DNAH2: variants seen among roughly 807,000 people sequenced by gnomAD.
DNAH2 encodes axonemal beta dynein heavy chain 2.
A neutral mutation model predicts 523.5 loss-of-function variants in DNAH2; 323 were observed. The observed-to-expected ratio is 0.62, with a 90% CI of 0.56 to 0.68. The LOEUF (loss-of-function observed/expected upper bound fraction) is 0.68. DNAH2 is among the 30% of genes least tolerant of loss of function. The probability of loss-of-function intolerance (pLI) is 0.00; values close to 1 mark genes in which losing one functional copy is unlikely to be tolerated. For missense variants in DNAH2, 4,907 were observed against 5,701.5 expected, an observed-to-expected ratio of 0.86 and a Z score of 4.49; for synonymous variants, 2,093 against 2,177.4, an observed-to-expected ratio of 0.96 and a Z score of 1.08.
In DNAH2 at chr17:7,770,800, T is replaced by G; in HGVS notation, c.4229T>G (p.Leu1410Arg). The change falls in exon 27 of 86, where the codon CTG becomes CGG. Residue 1410 changes from leucine to arginine, a missense_variant. Coordinates refer to ENST00000572933, the MANE Select transcript of DNAH2 (RefSeq NM_020877.5). ...FQALEDNQVALSTMKASRFVK... is the reference protein window; with the variant it reads ...FQALEDNQVARSTMKASRFVK... ...GCACTGGAAGATAACCAGGTAGCTC[T>G]GTCTACCATGAAGGCATCACGCTTT... 1 of 1,614,160 alleles carries G rather than the reference T, an allele frequency of 6.2e-7. No individual in the cohort carries two copies. Among genetic ancestry groups the G allele is most frequent in the Non-Finnish European group, 8.5e-7 (1 of 1,180,008 alleles).
chr17:7,809,766 G>T lies in DNAH2; in HGVS notation c.9729+2180G>T, dbSNP rs868446110. 5.0e-3 allele frequency among the ~76,000 whole-genome samples: 751 copies of T among 151,562 alleles called. 8 individuals carry two copies. The highest frequency in any genetic ancestry group is 0.017 in the African/African-American group (719 of 41,270). ...ACTTGAGAACCCCTAAGTGAAAAGA[G>T]AAAGCAGACAGGGAACAAACATTTC... On this transcript the variant is annotated intron_variant, in intron 63 of 85. Coordinates refer to ENST00000572933, the MANE Select transcript of DNAH2 (RefSeq NM_020877.5).
chr17:7,723,929 G>T (rs1227303080), intron 3 of DNAH2, among the ~76,000 whole-genome samples: 1 of 152,188 alleles, frequency 6.6e-6, no homozygotes, highest in African/African-American at 2.4e-5. Flanking sequence ...TCCCCACCTT[G>T]GGTCAAACTG....
intron 44 of DNAH2, among the ~76,000 whole-genome samples, chr17:7,789,192 C>T (rs2309810): frequency 0.47 from 71,306 of 151,766 alleles, 18,649 homozygotes; most frequent in Non-Finnish European, 0.58. Flanking sequence ...AACAAAAAAC[C>T]GCAGATGGAC....
chr17:7,829,048 C>T (rs1228314651), intron 77 of DNAH2, among the ~76,000 whole-genome samples: 4 of 149,514 alleles, frequency 2.7e-5, no homozygotes, highest in Admixed American at 6.6e-5. Context: ...TTTTTTGAGA[C>T]AGAGTCTTGC....
rs753248434 is a variant in DNAH2, at chr17:7,740,480, C to T, written c.1437C>T (p.Phe479=). ...VMTQNLITSA[F]ELVRDVPHGV... ...CCCAGAACCTGATCACCTCAGCCTT[C>T]GAGTTGGTGCGGGACGTGCCGCACG... The change falls in exon 10 of 86, where the codon TTC becomes TTT. Residue 479 remains phenylalanine, a synonymous_variant. Transcript: ENST00000572933. 8 of 1,614,170 alleles carry T rather than the reference C, an allele frequency of 5.0e-6. No individual in the cohort carries two copies. In the East Asian group the frequency reaches 6.7e-5, roughly 13 times the overall value.
In DNAH2 at chr17:7,821,166, T is replaced by A; in HGVS notation, c.11016-77T>A. On this transcript the variant is annotated intron_variant, in intron 72 of 85. Transcript: ENST00000572933. This position sits in a 1 kb window ranked among gnomAD's most constrained non-coding sequence, Gnocchi z 5.0. ...TCCTCTGTGTGAAGCTGTGTGATAG[T>A]AGCATCATAGCATTCGCATGGAGCA... 1.3e-6 allele frequency: 2 copies of A among 1,548,330 alleles called. No individual in the cohort carries two copies. Among genetic ancestry groups the A allele is most frequent in the Non-Finnish European group, 1.8e-6 (2 of 1,141,766 alleles).
At chr17:7,746,738 G>A (rs1159326369) in intron 12 of DNAH2, among the ~76,000 whole-genome samples, 1 of 152,152 alleles carries the variant, frequency 6.6e-6, no homozygotes, top group African/African-American at 2.4e-5. Context: ...TGTAATCCTA[G>A]CACTTTGGGA....
At chr17:7,733,602 C>T (rs555785850) in intron 5 of DNAH2, among the ~76,000 whole-genome samples, 3 of 151,474 alleles carry the variant, frequency 2.0e-5, no homozygotes, top group South Asian at 2.1e-4. Flanking sequence ...CTCAGACTCT[C>T]GAGTAGCTGG....
intron 56 of DNAH2, among the ~76,000 whole-genome samples, chr17:7,800,048 G>C (rs2077179961): frequency 6.6e-6 from 1 of 152,124 alleles, no homozygotes; most frequent in Non-Finnish European, 1.5e-5. Flanking sequence ...TGCCGCACTT[G>C]TCTTTGTTTC....
intron 22 of DNAH2, among the ~76,000 whole-genome samples, chr17:7,766,978 C>T (rs1018892237): frequency 1.2e-4 from 18 of 152,010 alleles, no homozygotes; most frequent in Non-Finnish European, 1.6e-4. Context: ...GTAAACAATT[C>T]GTGACGTTTA....
chr17:7,752,160 T>TACACACACTCACAC (rs146035380), intron 12 of DNAH2, among the ~76,000 whole-genome samples: 11,241 of 124,876 alleles, frequency 0.09, 1,296 homozygotes, highest in African/African-American at 0.25. Flanking sequence ...TAAGTCATTT[T>TACACACACTCACAC]ACACACACAC....
At chr17:7,724,613 T>C (rs2074735012) in intron 3 of DNAH2, among the ~76,000 whole-genome samples, 1 of 152,002 alleles carries the variant, frequency 6.6e-6, no homozygotes, top group Non-Finnish European at 1.5e-5. Flanking sequence ...AGCAAAACTC[T>C]GTCTCAAAAC....
At chr17:7,722,981 T>C (rs2151116291) in intron 2 of DNAH2, among the ~76,000 whole-genome samples, 1 of 143,946 alleles carries the variant, frequency 6.9e-6, no homozygotes, top group African/African-American at 2.6e-5. Context: ...TTTTTTTTTT[T>C]TTTTTGAGAC....
At chr17:7,721,004 C>CTTTTTTT (rs71159523) in intron 2 of DNAH2, among the ~76,000 whole-genome samples, 17 of 109,722 alleles carry the variant, frequency 1.5e-4, no homozygotes, top group Non-Finnish European at 1.9e-4. Flanking sequence ...TTCTTTCTTT[C>CTTTTTTT]TTTTTTTTTT....
intron 5 of DNAH2, 72 bp from the exon 6 acceptor site, chr17:7,734,111 C>A: frequency 2.2e-6 from 3 of 1,351,316 alleles, no homozygotes; most frequent in Non-Finnish European, 3.1e-6. Flanking sequence ...TACCGATCAT[C>A]AACCGTGATT....
At chr17:7,820,215 A>G (rs560671838) in intron 72 of DNAH2, among the ~76,000 whole-genome samples, 4 of 152,248 alleles carry the variant, frequency 2.6e-5, no homozygotes, top group African/African-American at 9.6e-5. Context: ...GCTTGGCTGT[A>G]CTTTAGTTCT....
chr17:7,753,395 C>T (rs1028869499), intron 12 of DNAH2, among the ~76,000 whole-genome samples: 12 of 152,116 alleles, frequency 7.9e-5, no homozygotes, highest in East Asian at 1.9e-4. Flanking sequence ...GGAAGGCAGC[C>T]GAAGCCATGG....
intron 39 of DNAH2, among the ~76,000 whole-genome samples, chr17:7,782,644 C>A (rs1411556662): frequency 1.3e-5 from 2 of 152,236 alleles, no homozygotes; most frequent in African/African-American, 4.8e-5. Context: ...ACAGTGGAAT[C>A]AGATCCATGA....
chr17:7,830,274 C>T (rs778383231), intron 77 of DNAH2, 26 bp from the exon 78 acceptor site: 2 of 1,602,526 alleles, frequency 1.2e-6, no homozygotes, highest in South Asian at 1.1e-5. Flanking sequence ...GCATGTCACC[C>T]CATCTTTATA....
Sources: allele counts gnomAD v4.1 joint callset (sites outside exome capture counted in the v4.1 genomes callset), GRCh38; gene constraint gnomAD v4.1.1; non-coding constraint Gnocchi (gnomAD v3.1); transcripts MANE v1.5; gene names NCBI Gene and HGNC (gene_info 2026-07-23, HGNC 2026-07-21).